Variants in CDH18 observed in about 807,000 individuals in gnomAD.
The protein encoded by CDH18 is cadherin 18, also known as cadherin-18.
A neutral mutation model predicts 67.9 loss-of-function variants in CDH18; 31 were observed. The ratio of observed to expected loss-of-function variants is 0.46; its 90% confidence interval spans 0.34 to 0.62. CDH18 has a LOEUF of 0.62. CDH18 is among the 20% of genes least tolerant of loss of function. CDH18 has a pLI of 0.01. For synonymous variants in CDH18, 362 were observed against 347.2 expected, an observed-to-expected ratio of 1.04 and a Z score of -0.48; for missense variants, 890 against 975.5, an observed-to-expected ratio of 0.91 and a Z score of 1.17.
chr5:19,619,719 A>C (rs538795302), intron 5 of CDH18, among the ~76,000 whole-genome samples: 37 of 152,316 alleles, frequency 2.4e-4, no homozygotes, highest in Admixed American at 7.9e-4. Context: ...GCCCTTGTGG[A>C]AAGTCAAGAT....
chr5:19,491,358 A>G (rs1184460661), intron 11 of CDH18, among the ~76,000 whole-genome samples: 2 of 152,204 alleles, frequency 1.3e-5, no homozygotes, highest in South Asian at 2.1e-4. Flanking sequence ...CCTGTGGATA[A>G]AAACAAAATT....
chr5:19,734,499 TC>T (rs755623603), intron 4 of CDH18, among the ~76,000 whole-genome samples: 38 of 151,662 alleles, frequency 2.5e-4, no homozygotes, highest in Admixed American at 9.2e-4. Flanking sequence ...TTTTGAGCCA[TC>T]CTCAGAAAAA....
intron 2 of CDH18, among the ~76,000 whole-genome samples, chr5:20,029,921 T>C (rs1739236478): frequency 1.3e-5 from 2 of 152,184 alleles, no homozygotes; most frequent in Non-Finnish European, 2.9e-5. Context: ...TATTCTGGAA[T>C]GATATCTATT....
At chr5:20,493,513 C>T (rs1008912661) in intron 1 of CDH18, among the ~76,000 whole-genome samples, 7 of 151,844 alleles carry the variant, frequency 4.6e-5, no homozygotes, top group African/African-American at 1.5e-4. Context: ...GAGTCAGCTA[C>T]CATCATTTGC....
chr5:20,051,569 G>A (rs1427780178), intron 2 of CDH18, among the ~76,000 whole-genome samples: 2 of 151,872 alleles, frequency 1.3e-5, no homozygotes, highest in African/African-American at 4.8e-5. Context: ...GATAATTCAT[G>A]AAGGTTTGTA....
At chr5:20,414,094 G>A (rs940101175) in intron 1 of CDH18, among the ~76,000 whole-genome samples, 7 of 152,172 alleles carry the variant, frequency 4.6e-5, no homozygotes, top group Admixed American at 2.0e-4. Flanking sequence ...ACTGTTACTG[G>A]AGATGGAAAT....
At chr5:20,270,372 G>A (rs143781121) in intron 1 of CDH18, among the ~76,000 whole-genome samples, 11 of 152,062 alleles carry the variant, frequency 7.2e-5, no homozygotes, top group Non-Finnish European at 1.5e-4. Flanking sequence ...GGTGTTCCCC[G>A]TATGACAAAA....
intron 3 of CDH18, among the ~76,000 whole-genome samples, chr5:19,833,479 C>T (rs569069620): frequency 6.6e-6 from 1 of 152,134 alleles, no homozygotes; most frequent in East Asian, 1.9e-4. Flanking sequence ...GAGACAACTT[C>T]AGTTCCACTC....
chr5:20,211,927 G>A (rs1740385310), intron 2 of CDH18, among the ~76,000 whole-genome samples: 1 of 152,142 alleles, frequency 6.6e-6, no homozygotes, highest in Non-Finnish European at 1.5e-5. Flanking sequence ...GATGGAAAAT[G>A]ACTTTGACGA....
At chr5:20,355,765 G>A (rs1193158284) in intron 1 of CDH18, among the ~76,000 whole-genome samples, 1 of 152,122 alleles carries the variant, frequency 6.6e-6, no homozygotes. Context: ...TCTACATCAA[G>A]CTGAATATGC....
At chr5:19,717,603 C>T (rs1418076784) in intron 5 of CDH18, among the ~76,000 whole-genome samples, 1 of 152,010 alleles carries the variant, frequency 6.6e-6, no homozygotes, top group Non-Finnish European at 1.5e-5. Context: ...TTATTTTTAA[C>T]TCAGTTTACA....
chr5:19,930,592 G>C (rs575004083), intron 2 of CDH18, among the ~76,000 whole-genome samples: 1 of 152,028 alleles, frequency 6.6e-6, no homozygotes, highest in African/African-American at 2.4e-5. Context: ...GAGAGGCTCC[G>C]CAAAGCTCCG....
intron 3 of CDH18, among the ~76,000 whole-genome samples, chr5:19,810,311 A>G (rs1218295602): frequency 6.6e-6 from 1 of 152,132 alleles, no homozygotes; most frequent in Non-Finnish European, 1.5e-5. Context: ...AGCCTGGGTG[A>G]CAGAGTGAGA....
At chr5:19,618,145 G>A (rs1026043) in intron 5 of CDH18, among the ~76,000 whole-genome samples, 99,566 of 151,946 alleles carry the variant, frequency 0.66, 33,035 homozygotes, top group South Asian at 0.76. Flanking sequence ...ACATATTTAT[G>A]AGAGAAAGTG....
intron 5 of CDH18, among the ~76,000 whole-genome samples, chr5:19,628,963 C>T (rs1481278774): frequency 6.6e-6 from 1 of 151,402 alleles, no homozygotes; most frequent in Non-Finnish European, 1.5e-5. Flanking sequence ...TTCTAGAAAC[C>T]AACCAGTATT....
intron 2 of CDH18, among the ~76,000 whole-genome samples, chr5:20,171,619 C>G (rs1736718608): frequency 6.6e-6 from 1 of 151,742 alleles, no homozygotes; most frequent in South Asian, 2.1e-4. Context: ...GGATTTAGTC[C>G]TTTTTCTGAT....
intron 1 of CDH18, among the ~76,000 whole-genome samples, chr5:20,423,669 G>T (rs2150162671): frequency 6.6e-6 from 1 of 150,922 alleles, no homozygotes; most frequent in Non-Finnish European, 1.5e-5. Context: ...CTAGAGGCCG[G>T]GCGCGGTGGC....
intron 1 of CDH18, among the ~76,000 whole-genome samples, chr5:20,438,759 A>G (rs530005530): frequency 5.9e-5 from 9 of 151,556 alleles, no homozygotes; most frequent in African/African-American, 2.2e-4. Context: ...TATCTCCTGA[A>G]TATTTCACTC....
At chr5:19,772,290 G>C (rs1396421921) in intron 3 of CDH18, among the ~76,000 whole-genome samples, 1 of 152,104 alleles carries the variant, frequency 6.6e-6, no homozygotes, top group African/African-American at 2.4e-5. Context: ...GCTGATGTGA[G>C]TAATTTAAGG....
Sources: gnomAD v4.1 joint callset for allele counts (sites outside exome capture counted in the v4.1 genomes callset) on GRCh38, gnomAD v4.1.1 for gene constraint, MANE v1.5 for transcripts, NCBI Gene and HGNC (gene_info 2026-07-23, HGNC 2026-07-21) for gene names.